MIS18A: variants seen among roughly 807,000 people sequenced by gnomAD.
MIS18A encodes the protein protein Mis18-alpha.
MIS18A carries 14 observed loss-of-function variants against 25.0 expected under a neutral mutation model. The observed-to-expected ratio is 0.56, with a 90% CI of 0.37 to 0.88. The LOEUF (loss-of-function observed/expected upper bound fraction) is 0.88. Among genes scored for constraint, MIS18A ranks in the 40% least tolerant of loss-of-function variants. The pLI is 0.00. For synonymous variants in MIS18A, 134 were observed against 118.6 expected (o/e 1.13, Z -0.84); for missense variants, 292 against 290.8 (o/e 1.00, Z -0.03).
the MIS18A span, among the ~76,000 whole-genome samples, chr21:32,216,354 A>G: frequency 6.6e-6 from 1 of 152,202 alleles, no homozygotes; most frequent in Non-Finnish European, 1.5e-5. Context: ...TCAAAGTTCC[A>G]TTTCCAGAGA....
the MIS18A span, among the ~76,000 whole-genome samples, chr21:32,173,068 A>T: frequency 1.6e-5 from 2 of 123,282 alleles, no homozygotes; most frequent in Admixed American, 8.6e-5. Context: ...TACTTTCTTG[A>T]TTATGACACC....
the MIS18A span, among the ~76,000 whole-genome samples, chr21:32,233,918 T>C: frequency 6.6e-6 from 1 of 151,882 alleles, no homozygotes; most frequent in South Asian, 2.1e-4. Flanking sequence ...CTCAAAACTG[T>C]CCAGTCATCA....
the MIS18A span, among the ~76,000 whole-genome samples, chr21:32,242,831 A>G: frequency 6.6e-6 from 1 of 152,172 alleles, no homozygotes; most frequent in South Asian, 2.1e-4. Context: ...TCGAACTGGT[A>G]ATGTTTTAAA....
chr21:32,227,108 T>G, the MIS18A span, among the ~76,000 whole-genome samples: 22 of 152,062 alleles, frequency 1.4e-4, no homozygotes, highest in South Asian at 1.5e-3. Context: ...AGTGTCTATA[T>G]TTACAAAGTA....
chr21:32,219,987 T>C, the MIS18A span, among the ~76,000 whole-genome samples: 7 of 152,306 alleles, frequency 4.6e-5, no homozygotes, highest in South Asian at 1.2e-3. Flanking sequence ...CAGGTGCTTA[T>C]AGATAAAACT....
At chr21:32,198,550 G>A in the MIS18A span, among the ~76,000 whole-genome samples, 3 of 152,194 alleles carry the variant, frequency 2.0e-5, no homozygotes, top group Non-Finnish European at 4.4e-5. Flanking sequence ...TGTTGCCCCG[G>A]GCCCGAAGCA....
chr21:32,221,864 C>T, the MIS18A span, among the ~76,000 whole-genome samples: 1 of 151,708 alleles, frequency 6.6e-6, no homozygotes. Flanking sequence ...TGCACTCCAG[C>T]CTGGACAACA....
At chr21:32,204,964 A>G in the MIS18A span, among the ~76,000 whole-genome samples, 3 of 152,204 alleles carry the variant, frequency 2.0e-5, no homozygotes, top group Non-Finnish European at 4.4e-5. Context: ...GAGTTGAAGG[A>G]TAAATGGCAT....
chr21:32,166,203 A>G, the MIS18A span, among the ~76,000 whole-genome samples: 1 of 152,344 alleles, frequency 6.6e-6, no homozygotes, highest in East Asian at 1.9e-4. Flanking sequence ...TTCAAATGCC[A>G]TTGCAATGTA....
At chr21:32,186,181 C>A in the MIS18A span, among the ~76,000 whole-genome samples, 1 of 152,216 alleles carries the variant, frequency 6.6e-6, no homozygotes, top group Non-Finnish European at 1.5e-5. Context: ...TTGATTGTGG[C>A]CTTGGACAGT....
the MIS18A span, among the ~76,000 whole-genome samples, chr21:32,222,670 G>A: frequency 6.6e-6 from 1 of 152,110 alleles, no homozygotes; most frequent in African/African-American, 2.4e-5. Flanking sequence ...GGTGGCTCAT[G>A]CCTGTAATCC....
the MIS18A span, among the ~76,000 whole-genome samples, chr21:32,238,543 C>A: frequency 6.6e-6 from 1 of 152,168 alleles, no homozygotes; most frequent in African/African-American, 2.4e-5. Flanking sequence ...AAGTGCTAGA[C>A]GATGCACAGG....
At chr21:32,165,019 T>C in the MIS18A span, among the ~76,000 whole-genome samples, 3 of 152,152 alleles carry the variant, frequency 2.0e-5, no homozygotes, top group Admixed American at 2.0e-4. Flanking sequence ...CCTATGCCAA[T>C]AGATAGAGGA....
chr21:32,181,524 C>T, the MIS18A span, among the ~76,000 whole-genome samples: 1 of 152,070 alleles, frequency 6.6e-6, no homozygotes, highest in Admixed American at 6.5e-5. Flanking sequence ...AGGCTTCTAC[C>T]ACCCACACTG....
the MIS18A span, among the ~76,000 whole-genome samples, chr21:32,182,205 C>T: frequency 5.3e-5 from 8 of 152,274 alleles, no homozygotes; most frequent in African/African-American, 1.9e-4. Flanking sequence ...TCCATGGTCA[C>T]CCTTGTGCTC....
chr21:32,186,015 G>T, the MIS18A span, among the ~76,000 whole-genome samples: 1 of 151,440 alleles, frequency 6.6e-6, no homozygotes, highest in East Asian at 1.9e-4. Context: ...ACCTGCCCAG[G>T]GTCTTGCTCA....
At chr21:32,205,915 G>C in the MIS18A span, among the ~76,000 whole-genome samples, 1 of 149,602 alleles carries the variant, frequency 6.7e-6, no homozygotes, top group Admixed American at 6.6e-5. Context: ...GGCTGGATAG[G>C]GGGGTTTGAG....
the MIS18A span, among the ~76,000 whole-genome samples, chr21:32,202,786 C>T: frequency 1.3e-5 from 2 of 152,294 alleles, no homozygotes; most frequent in African/African-American, 2.4e-5. Flanking sequence ...GGTTCACCCA[C>T]GTTGTAGCAT....
At chr21:32,257,230 C>A in the MIS18A span, among the ~76,000 whole-genome samples, 29 of 152,218 alleles carry the variant, frequency 1.9e-4, no homozygotes, top group Middle Eastern at 3.2e-3. Flanking sequence ...CATCTGTCTT[C>A]TTCACAGAGA....
Sources: allele counts gnomAD v4.1 joint callset (sites outside exome capture counted in the v4.1 genomes callset), GRCh38; gene constraint gnomAD v4.1.1; transcripts MANE v1.5; gene names NCBI Gene and HGNC (gene_info 2026-07-23, HGNC 2026-07-21).